The following NXN variants were observed in gnomAD, a reference collection of about 807,000 sequenced individuals.
NXN encodes the protein nucleoredoxin 1.
NXN carries 16 observed loss-of-function variants against 48.6 expected under a neutral mutation model. That is an observed-to-expected ratio of 0.33 (90% confidence interval 0.22 to 0.50). The LOEUF is 0.50. Ranked by LOEUF, NXN falls within the 20% of genes least tolerant of loss-of-function variation. The probability of loss-of-function intolerance (pLI) is 0.98; values close to 1 mark genes in which losing one functional copy is unlikely to be tolerated. For synonymous variants in NXN, 281 were observed against 269.6 expected (o/e 1.04, Z -0.41); for missense variants, 492 against 605.5 (o/e 0.81, Z 1.97).
At chr17:865,139 G>A (rs756073185) in intron 1 of NXN, among the ~76,000 whole-genome samples, 6 of 152,142 alleles carry the variant, frequency 3.9e-5, no homozygotes, top group Non-Finnish European at 7.3e-5. Context: ...CCCTCCCTGT[G>A]CTCCTTCAGT....
At chr17:841,609 CA>C (rs1567828080) in intron 1 of NXN, among the ~76,000 whole-genome samples, 19 of 112,130 alleles carry the variant, frequency 1.7e-4, no homozygotes, top group Non-Finnish European at 2.0e-4. Flanking sequence ...CCCCCGACCA[CA>C]GAGCATCTCA....
At chr17:915,229 C>A (rs548695796) in intron 1 of NXN, among the ~76,000 whole-genome samples, 1 of 151,866 alleles carries the variant, frequency 6.6e-6, no homozygotes, top group African/African-American at 2.4e-5. Flanking sequence ...CCACTGCACC[C>A]GGCCAGTTGA....
intron 1 of NXN, among the ~76,000 whole-genome samples, chr17:896,704 G>C (rs2068490096): frequency 6.6e-6 from 1 of 152,160 alleles, no homozygotes; most frequent in Non-Finnish European, 1.5e-5. Flanking sequence ...GGAAGTTTTT[G>C]TGGAATTGAC....
At chr17:976,437 C>T (rs538675736) in intron 1 of NXN, among the ~76,000 whole-genome samples, 4 of 152,190 alleles carry the variant, frequency 2.6e-5, no homozygotes, top group Admixed American at 1.3e-4. Context: ...AAGAAGTATA[C>T]GCATGGGCTT....
intron 1 of NXN, chr17:842,476 T>G: frequency 1.0e-6 from 1 of 983,224 alleles, no homozygotes; most frequent in Non-Finnish European, 1.2e-6. Flanking sequence ...CGTGGGTTAC[T>G]GGGGAGGATG....
intron 1 of NXN, among the ~76,000 whole-genome samples, chr17:947,418 G>A (rs186837612): frequency 2.0e-5 from 3 of 152,170 alleles, no homozygotes; most frequent in African/African-American, 4.8e-5. Flanking sequence ...CTACATCCAC[G>A]GATTCGACTA....
intron 5 of NXN, among the ~76,000 whole-genome samples, chr17:814,014 A>C (rs1912326928): frequency 6.6e-6 from 1 of 151,934 alleles, no homozygotes. Context: ...TAATCCCAGC[A>C]CTTTGGGAGG....
At position 849,252 on chromosome 17, in the gene NXN, G is replaced by A. The variant is rs1274964148; in HGVS notation, c.361-23174C>T. ...GATTCACTAAGACCAGAGCTTCCCA[G>A]CTGGGCGCAGTGGCTCACGCCTGTA... On this transcript the variant is annotated intron_variant, in intron 1 of 7. Coordinates refer to ENST00000336868, the MANE Select transcript of NXN (RefSeq NM_022463.5). This position sits in a 1 kb window ranked among gnomAD's most constrained non-coding sequence, Gnocchi z 4.2. Among the ~76,000 whole-genome samples, 3 of 152,212 alleles carry A rather than the reference G, an allele frequency of 2.0e-5. No individual in the cohort carries two copies. The highest frequency in any genetic ancestry group is 2.9e-5 in the Non-Finnish European group (2 of 68,042).
intron 1 of NXN, among the ~76,000 whole-genome samples, chr17:938,057 T>C (rs1368075489): frequency 6.6e-6 from 1 of 152,302 alleles, no homozygotes; most frequent in African/African-American, 2.4e-5. Context: ...GGGACCACAT[T>C]TGAAAACCCA....
chr17:888,872 T>A (rs1322985127), intron 1 of NXN, among the ~76,000 whole-genome samples: 2 of 151,370 alleles, frequency 1.3e-5, no homozygotes, highest in African/African-American at 4.9e-5. Flanking sequence ...GGAGAATCAC[T>A]TGAACCCAGG....
chr17:856,065 C>T (rs992436389), intron 1 of NXN, among the ~76,000 whole-genome samples: 2 of 151,988 alleles, frequency 1.3e-5, no homozygotes, highest in Non-Finnish European at 2.9e-5. Flanking sequence ...TGGTGGCACA[C>T]GCCTATAATC....
chr17:810,056 C>A (rs928971520), intron 5 of NXN, among the ~76,000 whole-genome samples: 160 of 91,338 alleles, frequency 1.8e-3, no homozygotes, highest in South Asian at 2.9e-3. Flanking sequence ...GTGCACGTTA[C>A]GAGTCCCTGT....
intron 1 of NXN, among the ~76,000 whole-genome samples, chr17:953,206 G>A (rs999294505): frequency 1.4e-4 from 22 of 152,144 alleles, no homozygotes; most frequent in African/African-American, 5.3e-4. Context: ...CCTGAGGTCA[G>A]GAGTTTGAGA....
chr17:867,849 C>T (rs1020205152), intron 1 of NXN, among the ~76,000 whole-genome samples: 1 of 151,844 alleles, frequency 6.6e-6, no homozygotes, highest in African/African-American at 2.4e-5. Context: ...TCGCTTGAAC[C>T]CAGGAGGTGG....
intron 5 of NXN, among the ~76,000 whole-genome samples, chr17:811,792 C>A (rs978367184): frequency 1.3e-5 from 2 of 152,182 alleles, no homozygotes. Flanking sequence ...CCGACTCCCC[C>A]ACCCGTACCG....
intron 1 of NXN, among the ~76,000 whole-genome samples, chr17:853,179 C>T (rs975575499): frequency 6.6e-6 from 1 of 152,092 alleles, no homozygotes; most frequent in Non-Finnish European, 1.5e-5. Flanking sequence ...CAGCCGGGCA[C>T]GGTGGCTCAC....
At chr17:857,570 C>G (rs2067999251) in intron 1 of NXN, among the ~76,000 whole-genome samples, 1 of 152,128 alleles carries the variant, frequency 6.6e-6, no homozygotes, top group Non-Finnish European at 1.5e-5. Flanking sequence ...TAAACACCAA[C>G]TATTCTAAAG....
chr17:843,625 C>T (rs1473392685), intron 1 of NXN, among the ~76,000 whole-genome samples: 1 of 152,160 alleles, frequency 6.6e-6, no homozygotes, highest in Non-Finnish European at 1.5e-5. Context: ...GAGGAGCCAG[C>T]GTCGATCTGG....
At chr17:906,734 C>CTT (rs35778901) in intron 1 of NXN, among the ~76,000 whole-genome samples, 3,224 of 143,658 alleles carry the variant, frequency 0.022, 117 homozygotes, top group African/African-American at 0.077. Flanking sequence ...ACCCGGACAA[C>CTT]TTTTTTTTTT....
Sources: gnomAD v4.1 joint callset for allele counts (sites outside exome capture counted in the v4.1 genomes callset) on GRCh38, gnomAD v4.1.1 for gene constraint, Gnocchi (gnomAD v3.1) non-coding constraint, MANE v1.5 for transcripts, NCBI Gene and HGNC (gene_info 2026-07-23, HGNC 2026-07-21) for gene names.